Variants in COL18A1 observed in about 807,000 individuals in gnomAD.
The protein encoded by COL18A1 is collagen type XVIII alpha 1 chain.
In COL18A1, 133 loss-of-function variants were observed where a neutral mutation model predicts 168.0. The observed-to-expected ratio is 0.79, with a 90% CI of 0.69 to 0.91. The LOEUF (loss-of-function observed/expected upper bound fraction) is 0.91, where lower values mean the gene tolerates loss of function less well. Ranked by LOEUF, COL18A1 falls within the 40% of genes least tolerant of loss-of-function variation. COL18A1 has a pLI of 0.00. For synonymous variants in COL18A1, 949 were observed against 809.0 expected (o/e 1.17, Z -2.94); for missense variants, 2,126 against 1,925.4 (o/e 1.10, Z -1.95).
chr21:45,476,337 C>T lies in COL18A1; in HGVS notation c.799-14C>T, dbSNP rs747838059. 1.2e-6 allele frequency: 2 copies of T among 1,613,886 alleles called. No homozygotes were observed. Among genetic ancestry groups the T allele is most frequent in the East Asian group, 2.2e-5 (1 of 44,888 alleles). ...CCGGCCGAATAACAGGCCACCTCCC[C>T]TCTCGTCCTCCAGGGCGCGGCCCTA... is the stretch of plus-strand genomic sequence containing the variant. On this transcript the variant is annotated splice_polypyrimidine_tract_variant and intron_variant, in intron 5 of 41. Transcript: ENST00000651438.
Position 45,457,436 on chromosome 21 carries a change from C to G in COL18A1, c.107-10806C>G, listed in dbSNP as rs1395073218. 6.6e-6 allele frequency among the ~76,000 whole-genome samples: 1 copy of G among 152,210 alleles called. No individual in the cohort carries two copies. Among genetic ancestry groups the G allele is most frequent in the Non-Finnish European group, 1.5e-5 (1 of 68,026 alleles). On this transcript the variant is annotated intron_variant, in intron 2 of 41. Transcript: ENST00000651438. This position sits in a 1 kb window ranked among gnomAD's most constrained non-coding sequence, Gnocchi z 4.6. ...TCCTGAGAGGGAGCCTTTCATGTCC[C>G]CCTCCCCATCCTGAAGCACACAGCC...
intron 36 of COL18A1, 99 bp from the exon 37 acceptor site, chr21:45,505,739 C>T (rs932883675): frequency 5.0e-5 from 50 of 996,948 alleles, no homozygotes; most frequent in Middle Eastern, 3.0e-4. Context: ...CAAAGCCCTG[C>T]GGCCCCTGCC....
chr21:45,501,389 C>G (rs938390653), intron 32 of COL18A1, among the ~76,000 whole-genome samples: 1 of 152,132 alleles, frequency 6.6e-6, no homozygotes, highest in African/African-American at 2.4e-5. Flanking sequence ...TCCCCAGCAT[C>G]GGGACCGGGG....
At chr21:45,501,197 A>C (rs1051899430) in intron 32 of COL18A1, among the ~76,000 whole-genome samples, 1 of 152,012 alleles carries the variant, frequency 6.6e-6, no homozygotes, top group Non-Finnish European at 1.5e-5. Flanking sequence ...CAAGTCTACC[A>C]GAGAAATTGA....
intron 2 of COL18A1, among the ~76,000 whole-genome samples, chr21:45,417,201 C>T (rs1482865418): frequency 6.6e-6 from 1 of 152,108 alleles, no homozygotes. Context: ...CAGCTCCTAC[C>T]CTCACTGCCA....
In COL18A1 at chr21:45,474,081, C is replaced by G. The variant is rs78319316; in HGVS notation, c.738+100C>G. On this transcript the variant is annotated intron_variant, in intron 4 of 41. Coordinates refer to ENST00000651438, the MANE Select transcript of COL18A1 (RefSeq NM_001379500.1). The stretch of plus-strand genomic sequence containing the variant: ...ACAGGAAAAGTCCCAAAATATACCA[C>G]TTGGGGCACTGGGAAGCTGCGATAC... The G allele has an allele frequency of 2.6e-3, 2,298 of 881,842 alleles. 39 individuals are homozygous for G. In the African/African-American group the frequency reaches 0.032, roughly 12 times the overall value. The allele number at this position is 881,842 out of a possible 1,614,324, so 54.6% of individuals were successfully genotyped here.
chr21:45,458,584 A>T (rs903158813), intron 2 of COL18A1, among the ~76,000 whole-genome samples: 86 of 152,120 alleles, frequency 5.7e-4, no homozygotes, highest in African/African-American at 2.0e-3. Context: ...GCCACACCCC[A>T]CCTGGCTACT....
At chr21:45,481,904 C>G in intron 13 of COL18A1, 59 bp from the exon 14 acceptor site, 1 of 1,248,852 alleles carries the variant, frequency 8.0e-7, no homozygotes, top group Admixed American at 1.7e-5. Context: ...CCTGTTAACC[C>G]AGAAATCGTT....
chr21:45,493,735 G>A (rs551192062), intron 26 of COL18A1, 160 bp downstream of exon 26: 27 of 630,114 alleles, frequency 4.3e-5, no homozygotes, highest in South Asian at 3.3e-4. Flanking sequence ...CTCCTTTCTC[G>A]CACCCATGTC....
intron 2 of COL18A1, among the ~76,000 whole-genome samples, chr21:45,441,776 G>A (rs553457687): frequency 6.6e-6 from 1 of 152,368 alleles, no homozygotes; most frequent in East Asian, 1.9e-4. Context: ...GCCCACCTCT[G>A]ATATGCAACT....
intron 2 of COL18A1, among the ~76,000 whole-genome samples, chr21:45,416,434 G>A (rs1168051688): frequency 1.3e-5 from 2 of 152,128 alleles, no homozygotes; most frequent in Non-Finnish European, 2.9e-5. Context: ...GCGAGGCTCC[G>A]CACTGGTGTG....
Position 45,511,230 on chromosome 21 carries a change from G to A in COL18A1, c.3809+4G>A, listed in dbSNP as rs776184676. 2.2e-5 allele frequency: 33 copies of A among 1,508,492 alleles called. No individual in the cohort carries two copies. Among genetic ancestry groups the A allele is most frequent in the Non-Finnish European group, 3.0e-5 (33 of 1,099,426 alleles). The allele number at this position is 1,508,492 out of a possible 1,614,324, so 93.4% of individuals were successfully genotyped here. On this transcript the variant is annotated splice_donor_region_variant and intron_variant, in intron 41 of 41. Transcript: ENST00000651438. ...ACGTCCTGAGGCACCCCACCTGGTA[G>A]GTTCCCAGTGCCGTGTGAGCAGCTC...
intron 2 of COL18A1, chr21:45,420,395 T>C (rs1443644865): frequency 6.6e-6 from 1 of 152,192 alleles, no homozygotes; most frequent in Non-Finnish European, 1.5e-5. Flanking sequence ...TCATCGCTGA[T>C]GGAAGAGGTG....
chr21:45,488,095 G>A (rs760525349), intron 17 of COL18A1, among the ~76,000 whole-genome samples: 5 of 152,184 alleles, frequency 3.3e-5, no homozygotes, highest in Non-Finnish European at 7.3e-5. Context: ...GGAGCCCCCG[G>A]GGCCACAGCC....
At chr21:45,436,664 G>A (rs993332680) in intron 2 of COL18A1, among the ~76,000 whole-genome samples, 3 of 151,808 alleles carry the variant, frequency 2.0e-5, no homozygotes, top group African/African-American at 7.3e-5. Context: ...GCTGAGGCTG[G>A]GGGAGGGGGT....
chr21:45,424,727 T>G (rs1174210695), intron 2 of COL18A1: 1 of 152,358 alleles, frequency 6.6e-6, no homozygotes, highest in Non-Finnish European at 1.5e-5. Context: ...CCGGCTCCCT[T>G]CCGGGGCAGC....
chr21:45,452,853 G>A lies in COL18A1; in HGVS notation c.107-15389G>A, dbSNP rs201577993. Among the ~76,000 whole-genome samples the A allele has an allele frequency of 2.5e-3, 179 of 71,558 alleles. 2 individuals are homozygous for A. Among genetic ancestry groups the A allele is most frequent in the African/African-American group, 9.2e-3 (171 of 18,516 alleles). 46.9% of individuals were successfully genotyped at this position (71,558 alleles called of 152,430 possible). On this transcript the variant is annotated intron_variant, in intron 2 of 41. Coordinates refer to ENST00000651438, the MANE Select transcript of COL18A1 (RefSeq NM_001379500.1). ...ATGACATGTGTAAACATGTATGTAT[G>A]TGTGGGGCTTGTGTATGCATGTGAG...
At chr21:45,456,263 G>T in intron 2 of COL18A1, 1 of 1,580,720 alleles carries the variant, frequency 6.3e-7, no homozygotes, top group Non-Finnish European at 8.6e-7. Flanking sequence ...CTCGCCCGCC[G>T]CAGCCGCTCC....
At chr21:45,487,238 G>A (rs563863895) in intron 16 of COL18A1, among the ~76,000 whole-genome samples, 8 of 152,334 alleles carry the variant, frequency 5.3e-5, no homozygotes, top group South Asian at 4.1e-4. Flanking sequence ...GACCAAGAGC[G>A]AATGAGCTGA....
Sources: gnomAD v4.1 joint callset for allele counts (sites outside exome capture counted in the v4.1 genomes callset) on GRCh38, gnomAD v4.1.1 for gene constraint, Gnocchi (gnomAD v3.1) non-coding constraint, MANE v1.5 for transcripts, NCBI Gene and HGNC (gene_info 2026-07-23, HGNC 2026-07-21) for gene names.